GABRA1: variants seen among roughly 807,000 people sequenced by gnomAD.
The protein encoded by GABRA1 is gamma-aminobutyric acid receptor subunit alpha-1.
GABRA1 carries 9 observed loss-of-function variants against 48.9 expected under a neutral mutation model. The ratio of observed to expected loss-of-function variants is 0.18; its 90% confidence interval spans 0.11 to 0.32. The LOEUF (loss-of-function observed/expected upper bound fraction) is 0.32. Among genes scored for constraint, GABRA1 ranks in the 10% least tolerant of loss-of-function variants. GABRA1 has a pLI of 1.00. For missense variants in GABRA1, 285 were observed against 553.8 expected (o/e 0.51, Z 4.87); for synonymous variants, 210 against 198.7 (o/e 1.06, Z -0.48).
Position 161,897,225 on chromosome 5 carries a change from A to G in GABRA1, c.1174A>G (p.Ser392Gly), listed in dbSNP as rs1755408985. 1 of 1,614,204 alleles carries G rather than the reference A, an allele frequency of 6.2e-7. No individual in the cohort carries two copies. Among genetic ancestry groups the G allele is most frequent in the Non-Finnish European group, 8.5e-7 (1 of 1,180,028 alleles). The change falls in exon 10 of 10, where the codon AGT becomes GGT. Residue 392 changes from serine to glycine, a missense_variant. Transcript: ENST00000393943. ...CCCGGGCTTAGCCACCATTGCTAAA[A>G]GTGCAACCATAGAACCTAAAGAGGT... is the stretch of plus-strand genomic sequence containing the variant. ...GDPGLATIAK[S>G]ATIEPKEVKP... is the part of the protein sequence containing the mutation.
intron 6 of GABRA1, among the ~76,000 whole-genome samples, chr5:161,876,890 T>G (rs755070139): frequency 3.3e-5 from 5 of 152,200 alleles, no homozygotes; most frequent in Admixed American, 3.3e-4. Context: ...AGGAAGATCA[T>G]ACGCCGTAGT....
intron 4 of GABRA1, among the ~76,000 whole-genome samples, chr5:161,868,502 G>T (rs1400826914): frequency 6.6e-6 from 1 of 152,118 alleles, no homozygotes; most frequent in Non-Finnish European, 1.5e-5. Flanking sequence ...GGAATTGGGA[G>T]CATACAGAAA....
chr5:161,872,680 T>C (rs1754174945), intron 4 of GABRA1, among the ~76,000 whole-genome samples: 1 of 152,110 alleles, frequency 6.6e-6, no homozygotes, highest in South Asian at 2.1e-4. Context: ...TCAGAGACAA[T>C]GAGAGGGCCC....
intron 2 of GABRA1, among the ~76,000 whole-genome samples, chr5:161,853,216 T>C (rs1281650008): frequency 6.6e-6 from 1 of 151,904 alleles, no homozygotes; most frequent in Non-Finnish European, 1.5e-5. Context: ...AGCAATGTGA[T>C]TGATGTAGGA....
At chr5:161,883,756 A>T (rs868646785) in intron 7 of GABRA1, among the ~76,000 whole-genome samples, 2 of 152,160 alleles carry the variant, frequency 1.3e-5, no homozygotes, top group Admixed American at 6.6e-5. Context: ...AGCATAATAC[A>T]TTCCAATAAT....
intron 7 of GABRA1, among the ~76,000 whole-genome samples, chr5:161,886,725 C>T (rs1043410415): frequency 4.6e-5 from 7 of 151,034 alleles, no homozygotes; most frequent in Admixed American, 4.0e-4. Context: ...TTCACTGAGT[C>T]GAGACTACAC....
Position 161,898,056 on chromosome 5 carries a change from T to C in GABRA1, c.*634T>C, listed in dbSNP as rs913670039. ...TATTTTAAAATTCATGGAACTTTCATACGTAAAGGTGCAGTTGCTCATTGT... is the reference window on the plus strand; with the variant it reads ...TATTTTAAAATTCATGGAACTTTCACACGTAAAGGTGCAGTTGCTCATTGT... On this transcript the variant is annotated 3_prime_UTR_variant, in exon 10 of 10. Transcript: ENST00000393943. 2.0e-5 allele frequency: 3 copies of C among 152,144 alleles called. No homozygotes were observed. The highest frequency in any genetic ancestry group is 4.8e-5 in the African/African-American group (2 of 41,432). The allele number at this position is 152,144 out of a possible 1,614,324, so 9.4% of individuals were successfully genotyped here.
At chr5:161,851,144 G>C (rs762325042) in intron 2 of GABRA1, among the ~76,000 whole-genome samples, 2 of 152,080 alleles carry the variant, frequency 1.3e-5, no homozygotes, top group Non-Finnish European at 2.9e-5. Flanking sequence ...ACTTCTCACT[G>C]TTCAGTTGGA....
At chr5:161,853,670 T>C (rs1757536683) in intron 2 of GABRA1, 1 of 152,040 alleles carries the variant, frequency 6.6e-6, no homozygotes, top group Admixed American at 6.6e-5. Flanking sequence ...TAAAAGAACA[T>C]CAAGAAAATC....
intron 6 of GABRA1, among the ~76,000 whole-genome samples, chr5:161,877,365 G>C (rs1354532082): frequency 6.6e-6 from 1 of 152,166 alleles, no homozygotes; most frequent in African/African-American, 2.4e-5. Context: ...GAAAAAAGGA[G>C]AGTTTATCAT....
chr5:161,883,614 CT>C (rs1754711590), intron 7 of GABRA1, among the ~76,000 whole-genome samples: 1 of 152,018 alleles, frequency 6.6e-6, no homozygotes, highest in South Asian at 2.1e-4. Flanking sequence ...AAAATTATGT[CT>C]TTCAAAATTT....
At chr5:161,896,120 C>A (rs572471757) in intron 9 of GABRA1, among the ~76,000 whole-genome samples, 3 of 152,080 alleles carry the variant, frequency 2.0e-5, no homozygotes, top group African/African-American at 7.2e-5. Context: ...GTCAAATAGG[C>A]TTTCCTGTGG....
chr5:161,872,982 A>G, intron 4 of GABRA1, 135 bp from the exon 5 acceptor site: 2 of 737,962 alleles, frequency 2.7e-6, no homozygotes, highest in Admixed American at 3.7e-5. Context: ...ATGCTATCAC[A>G]CGTTTACTTC....
At chr5:161,863,621 G>A (rs1172010953) in intron 3 of GABRA1, among the ~76,000 whole-genome samples, 1 of 152,020 alleles carries the variant, frequency 6.6e-6, no homozygotes, top group East Asian at 1.9e-4. Flanking sequence ...AATTAAAGGT[G>A]CACATGAGAT....
At chr5:161,878,120 A>T (rs1317212207) in intron 6 of GABRA1, among the ~76,000 whole-genome samples, 1 of 152,216 alleles carries the variant, frequency 6.6e-6, no homozygotes, top group Non-Finnish European at 1.5e-5. Flanking sequence ...AATACACTGT[A>T]GGTTCTCAGT....
intron 7 of GABRA1, among the ~76,000 whole-genome samples, chr5:161,883,890 T>A (rs28422082): frequency 0.19 from 28,936 of 151,746 alleles, 3,677 homozygotes; most frequent in African/African-American, 0.36. Context: ...ATTTTTTTTT[T>A]AAAAAATGGA....
At chr5:161,883,118 ATAAC>A (rs772805376) in intron 7 of GABRA1, among the ~76,000 whole-genome samples, 72 of 152,318 alleles carry the variant, frequency 4.7e-4, no homozygotes, top group Admixed American at 1.2e-3. Flanking sequence ...CTTTTCATAA[ATAAC>A]TATTTATATA....
rs917348742 is a variant in GABRA1 at position 161,897,494 on chromosome 5, C to T, written c.*72C>T. ...ATTTATGTTCTCAACGCAGTAATTC[C>T]CATCTGCTTTATTGCCTCTGTCTTA... On this transcript the variant is annotated 3_prime_UTR_variant, in exon 10 of 10. Transcript: ENST00000393943. 14 of 1,345,404 alleles carry T rather than the reference C, an allele frequency of 1.0e-5. 1 individual carries two copies. In the South Asian group the frequency reaches 1.1e-4, roughly 10 times the overall value. 83.3% of individuals were successfully genotyped at this position (1,345,404 alleles called of 1,614,324 possible). A position where few individuals can be genotyped will look rare whatever the true frequency, so the allele number is the denominator to read the frequency against.
In GABRA1 at chr5:161,899,426, A is replaced by G. The variant is rs1755517095; in HGVS notation, c.*2004A>G. 6.6e-6 allele frequency: 1 copy of G among 152,210 alleles called. No individual in the cohort carries two copies. The highest frequency in any genetic ancestry group is 1.5e-5 in the Non-Finnish European group (1 of 67,962). The allele number at this position is 152,210 out of a possible 1,614,324, so 9.4% of individuals were successfully genotyped here. ...GGCTCTAACTTCTGTGTTGCTGTTT[A>G]TCTTGTTATTTTTCGGCGTTATACT... On this transcript the variant is annotated 3_prime_UTR_variant, in exon 10 of 10. Transcript: ENST00000393943.
Sources: allele counts gnomAD v4.1 joint callset (sites outside exome capture counted in the v4.1 genomes callset), GRCh38; gene constraint gnomAD v4.1.1; transcripts MANE v1.5; gene names NCBI Gene and HGNC (gene_info 2026-07-23, HGNC 2026-07-21).